Variants in FBXO34 observed in about 807,000 individuals in gnomAD.
The protein encoded by FBXO34 is F-box protein 34.
FBXO34 carries 12 observed loss-of-function variants against 24.5 expected under a neutral mutation model. The observed-to-expected ratio is 0.49, with a 90% CI of 0.31 to 0.79. The LOEUF is 0.79. Ranked by LOEUF, FBXO34 falls within the 30% of genes least tolerant of loss-of-function variation. The probability of loss-of-function intolerance (pLI) is 0.04; values close to 1 mark genes in which losing one functional copy is unlikely to be tolerated. For synonymous variants in FBXO34, 320 were observed against 311.9 expected, an observed-to-expected ratio of 1.03 and a Z score of -0.27; for missense variants, 823 against 857.7, an observed-to-expected ratio of 0.96 and a Z score of 0.51.
chr14:55,347,055 A>G (rs1475721955), intron 1 of FBXO34, among the ~76,000 whole-genome samples: 1 of 152,222 alleles, frequency 6.6e-6, no homozygotes, highest in African/African-American at 2.4e-5. Context: ...CAGCGGGCCT[A>G]GGGGATCTTA....
At chr14:55,362,542 G>A (rs554493774), downstream of FBXO34, among the ~76,000 whole-genome samples, 1 of 152,170 alleles carries the variant, frequency 6.6e-6, no homozygotes, top group African/African-American at 2.4e-5. Flanking sequence ...CTTGTATAAA[G>A]GAAAAAAAGA....
chr14:55,273,186 T>C (rs72715743), intron 1 of FBXO34, among the ~76,000 whole-genome samples: 1,700 of 152,040 alleles, frequency 0.011, 14 homozygotes, highest in Middle Eastern at 0.027. Context: ...TTTTTTTTTT[T>C]CCTCTCTCTC....
chr14:55,389,005 T>C, the FBXO34 span, among the ~76,000 whole-genome samples: 1 of 152,226 alleles, frequency 6.6e-6, no homozygotes, highest in Non-Finnish European at 1.5e-5. Flanking sequence ...ATGTGATCAT[T>C]TTCCTAAGTC....
chr14:55,290,557 C>G (rs980617274), intron 1 of FBXO34, among the ~76,000 whole-genome samples: 1 of 152,108 alleles, frequency 6.6e-6, no homozygotes, highest in Non-Finnish European at 1.5e-5. Flanking sequence ...TGTATGCTGC[C>G]TGTGTCCTCA....
At chr14:55,437,099 G>T in the FBXO34 span, 3 of 1,237,240 alleles carry the variant, frequency 2.4e-6, no homozygotes, top group Non-Finnish European at 1.2e-6. Context: ...ACTATGGCAG[G>T]CAGGCAGGCA....
At chr14:55,341,317 G>A (rs1370494912) in intron 1 of FBXO34, among the ~76,000 whole-genome samples, 1 of 152,218 alleles carries the variant, frequency 6.6e-6, no homozygotes, top group Non-Finnish European at 1.5e-5. Context: ...TTGAAGATGG[G>A]AGGGGGTCTT....
intron 1 of FBXO34, among the ~76,000 whole-genome samples, chr14:55,305,806 C>T (rs1427609053): frequency 2.0e-5 from 3 of 152,226 alleles, no homozygotes; most frequent in Non-Finnish European, 2.9e-5. Flanking sequence ...ATTTTATCCC[C>T]CACATTTCTC....
At chr14:55,315,591 T>G (rs555666815) in intron 1 of FBXO34, among the ~76,000 whole-genome samples, 3 of 152,368 alleles carry the variant, frequency 2.0e-5, no homozygotes, top group African/African-American at 7.2e-5. Context: ...AATGTCTTAC[T>G]CTGTTCTTAC....
chr14:55,311,807 A>C (rs1436885031), intron 1 of FBXO34, among the ~76,000 whole-genome samples: 1 of 151,910 alleles, frequency 6.6e-6, no homozygotes, highest in Non-Finnish European at 1.5e-5. Context: ...AGCTCACTGC[A>C]ACCTCCACCT....
the FBXO34 span, chr14:55,429,040 A>T: frequency 2.5e-6 from 4 of 1,568,728 alleles, no homozygotes; most frequent in Non-Finnish European, 3.5e-6. Flanking sequence ...CTGGTGTTGT[A>T]TTGGATTGTT....
At chr14:55,423,427 A>C in the FBXO34 span, among the ~76,000 whole-genome samples, 4 of 152,260 alleles carry the variant, frequency 2.6e-5, no homozygotes, top group Non-Finnish European at 5.9e-5. Flanking sequence ...AATTGTCTAC[A>C]GGTAAAAGCA....
chr14:55,390,570 A>G, the FBXO34 span, among the ~76,000 whole-genome samples: 1 of 151,610 alleles, frequency 6.6e-6, no homozygotes, highest in Admixed American at 6.6e-5. Context: ...ACGGAGTTTC[A>G]CCATGTTAGT....
the FBXO34 span, chr14:55,435,980 TAAA>T: frequency 3.8e-5 from 33 of 862,680 alleles, no homozygotes; most frequent in South Asian, 5.7e-5. Context: ...ATATAAAGAG[TAAA>T]AAAAAAAAAA....
At chr14:55,363,754 A>G (rs373633335), downstream of FBXO34, among the ~76,000 whole-genome samples, 4 of 152,180 alleles carry the variant, frequency 2.6e-5, no homozygotes, top group Admixed American at 1.3e-4. Flanking sequence ...ATTTTTTGCA[A>G]TTTTTAAAAA....
intron 1 of FBXO34, chr14:55,285,422 T>G (rs944184875): frequency 1.3e-5 from 2 of 152,176 alleles, no homozygotes; most frequent in African/African-American, 2.4e-5. Context: ...AACAGCATGT[T>G]ACCTAAGGTG....
At chr14:55,365,225 CAAAA>C (rs1175120629), downstream of FBXO34, among the ~76,000 whole-genome samples, 8 of 88,722 alleles carry the variant, frequency 9.0e-5, no homozygotes, top group East Asian at 1.5e-3. Flanking sequence ...TCTATCATCT[CAAAA>C]AAAAAAAAAA....
At chr14:55,436,035 T>C in the FBXO34 span, 1 of 656,522 alleles carries the variant, frequency 1.5e-6, no homozygotes, top group Non-Finnish European at 2.5e-6. Flanking sequence ...CCTTAGCAAT[T>C]TCCTAGGGGG....
rs929772902 is a variant in FBXO34, at chr14:55,286,104, C to G, written c.-11+14567C>G. The stretch of plus-strand genomic sequence containing the variant: ...TAGTTCTTTTTTTTCCTTCCAAATT[C>G]CTTCCAATCAATAACTTAGAAGAGA... On this transcript the variant is annotated intron_variant, in intron 1 of 1. Coordinates refer to ENST00000313833, the MANE Select transcript of FBXO34 (RefSeq NM_017943.4). Among the ~76,000 whole-genome samples, 2 of 152,112 alleles carry G rather than the reference C, an allele frequency of 1.3e-5. 1 individual carries two copies. The highest frequency in any genetic ancestry group is 4.8e-5 in the African/African-American group (2 of 41,408).
intron 1 of FBXO34, among the ~76,000 whole-genome samples, chr14:55,279,034 C>T (rs1225724128): frequency 1.3e-5 from 2 of 152,066 alleles, no homozygotes; most frequent in African/African-American, 4.8e-5. Context: ...TGGTGGCTCA[C>T]GCCTGTAATC....
Sources: allele counts gnomAD v4.1 joint callset (sites outside exome capture counted in the v4.1 genomes callset), GRCh38; gene constraint gnomAD v4.1.1; transcripts MANE v1.5; gene names NCBI Gene and HGNC (gene_info 2026-07-23, HGNC 2026-07-21).